The following PTPN22 variants were observed in gnomAD, a reference collection of about 807,000 sequenced individuals.
PTPN22 encodes the protein protein tyrosine phosphatase non-receptor type 22, also known as tyrosine-protein phosphatase non-receptor type 22.
Under a neutral mutation model 103.3 loss-of-function variants are expected in PTPN22, and 85 were observed. The ratio of observed to expected loss-of-function variants is 0.82; its 90% CI spans 0.69 to 0.99. The LOEUF (loss-of-function observed/expected upper bound fraction) is 0.99, where lower values mean the gene tolerates loss of function less well. Among genes scored for constraint, PTPN22 ranks in the 50% least tolerant of loss-of-function variants. The pLI is 0.00. For missense variants in PTPN22, 865 were observed against 936.9 expected (o/e 0.92, Z 1.00); for synonymous variants, 323 against 310.2 (o/e 1.04, Z -0.43).
chr1:113,826,257 A>T (rs570755626), intron 18 of PTPN22, among the ~76,000 whole-genome samples: 9 of 152,220 alleles, frequency 5.9e-5, no homozygotes, highest in Non-Finnish European at 1.3e-4. Context: ...ATGCAGGAGG[A>T]TCACTTGAGT....
At chr1:113,854,781 A>C in intron 8 of PTPN22, 126 bp downstream of exon 8, 1 of 1,256,494 alleles carries the variant, frequency 8.0e-7, no homozygotes, top group Non-Finnish European at 1.1e-6. Context: ...CATGAATTTA[A>C]TGCTTAGGTT....
chr1:113,850,924 C>G (rs1051298348), intron 10 of PTPN22, among the ~76,000 whole-genome samples: 4 of 152,116 alleles, frequency 2.6e-5, no homozygotes, highest in Admixed American at 2.6e-4. Flanking sequence ...CATCAATACA[C>G]GTTTCATGAA....
intron 7 of PTPN22, among the ~76,000 whole-genome samples, chr1:113,855,996 T>C (rs2102100645): frequency 6.6e-6 from 1 of 152,304 alleles, no homozygotes; most frequent in Middle Eastern, 3.4e-3. Context: ...TGAAGACATA[T>C]TATAACAATG....
chr1:113,827,093 T>C (rs973557257), intron 18 of PTPN22, among the ~76,000 whole-genome samples: 5 of 152,246 alleles, frequency 3.3e-5, no homozygotes, highest in Non-Finnish European at 7.3e-5. Flanking sequence ...TTCATGTTTC[T>C]CAAAGGTGTT....
Position 113,819,666 on chromosome 1 carries a change from A to C in PTPN22, c.2282-12T>G. 6.4e-7 allele frequency: 1 copy of C among 1,562,140 alleles called. No individual in the cohort carries two copies. The highest frequency in any genetic ancestry group is 8.8e-7 in the Non-Finnish European group (1 of 1,141,214). On this transcript the variant is annotated splice_polypyrimidine_tract_variant and intron_variant, in intron 19 of 20. Transcript: ENST00000359785. ...AGAATTACAGATACCTAGAATCAAAAGAAAAAAATATAAGGGAAAGACTAA... is the reference window on the plus strand; with the variant it reads ...AGAATTACAGATACCTAGAATCAAACGAAAAAAATATAAGGGAAAGACTAA...
chr1:113,860,037 A>G (rs1319309350), intron 1 of PTPN22, among the ~76,000 whole-genome samples: 1 of 150,126 alleles, frequency 6.7e-6, no homozygotes, highest in East Asian at 2.0e-4. Flanking sequence ...CCACAGCTCA[A>G]TGCAGCCTCA....
chr1:113,863,294 C>T (rs1332172382), intron 1 of PTPN22, among the ~76,000 whole-genome samples: 9 of 152,244 alleles, frequency 5.9e-5, no homozygotes, highest in African/African-American at 1.7e-4. Context: ...GGTTTTACCA[C>T]GTTGGCCAGG....
intron 15 of PTPN22, 108 bp from the exon 16 acceptor site, chr1:113,833,246 G>C (rs1352103625): frequency 2.6e-6 from 2 of 757,912 alleles, no homozygotes; most frequent in African/African-American, 3.6e-5. Flanking sequence ...TAGCTGTAGA[G>C]ATAATTATGA....
At chr1:113,858,549 T>G in exon 4 of PTPN22, 1 of 1,600,220 alleles carries the variant, frequency 6.2e-7, no homozygotes, top group South Asian at 1.1e-5. Context: ...TGGGTGGCAA[T>G]ATAAGCCTTG....
intron 19 of PTPN22, among the ~76,000 whole-genome samples, chr1:113,824,075 C>CA (rs576733446): frequency 1.4e-3 from 219 of 151,338 alleles, no homozygotes; most frequent in African/African-American, 5.2e-3. Context: ...CCAAATGTAT[C>CA]AAAAATTTTT....
At chr1:113,855,699 A>T (rs1664995824) in intron 7 of PTPN22, among the ~76,000 whole-genome samples, 1 of 152,142 alleles carries the variant, frequency 6.6e-6, no homozygotes, top group South Asian at 2.1e-4. Flanking sequence ...TCTGAAAACC[A>T]TTAAAAGTGA....
chr1:113,819,944 C>A, intron 19 of PTPN22: 3 of 191,886 alleles, frequency 1.6e-5, no homozygotes, highest in Non-Finnish European at 3.1e-5. Context: ...CATGAATCAG[C>A]ATTTTTTTGT....
intron 18 of PTPN22, among the ~76,000 whole-genome samples, chr1:113,826,907 G>A (rs1662128552): frequency 6.6e-6 from 1 of 151,726 alleles, no homozygotes; most frequent in South Asian, 2.1e-4. Context: ...CTGACCTCGT[G>A]ATCCGCCCGC....
At chr1:113,849,586 A>ATTTT in intron 10 of PTPN22, among the ~76,000 whole-genome samples, 10 of 56,000 alleles carry the variant, frequency 1.8e-4, no homozygotes, top group African/African-American at 4.3e-4. Context: ...TTATTTATTT[A>ATTTT]TTTATTTATT....
At chr1:113,865,076 A>G (rs1666009731) in intron 1 of PTPN22, among the ~76,000 whole-genome samples, 2 of 152,326 alleles carry the variant, frequency 1.3e-5, no homozygotes, top group African/African-American at 4.8e-5. Flanking sequence ...ACCATGTAGG[A>G]CATTGATAGC....
At position 113,835,177 on chromosome 1, in the gene PTPN22, C is replaced by G. The variant is rs562077184; in HGVS notation, c.1811-184G>C. 2.0e-5 allele frequency among the ~76,000 whole-genome samples: 3 copies of G among 152,258 alleles called. No individual in the cohort carries two copies. In the South Asian group the frequency reaches 6.2e-4, roughly 32 times the overall value. On this transcript the variant is annotated intron_variant, in intron 13 of 20. Coordinates refer to ENST00000359785, the Ensembl canonical transcript of PTPN22. ...AAGCAAAATAAATTCTCTTAAGGTA[C>G]AAACCCAGGAGGTTTTTGCTTATTC...
intron 11 of PTPN22, among the ~76,000 whole-genome samples, chr1:113,840,221 CA>C (rs35772284): frequency 0.029 from 3,439 of 116,724 alleles, 60 homozygotes; most frequent in African/African-American, 0.056. Context: ...AATTCCATCT[CA>C]AAAAAAAAAA....
exon 21 of PTPN22, chr1:113,814,051 C>A (rs1660991385): frequency 1.3e-5 from 2 of 152,206 alleles, no homozygotes; most frequent in African/African-American, 4.8e-5. Context: ...AATTACCTGC[C>A]AATTTATTTA....
chr1:113,866,695 A>T (rs1558060541), intron 1 of PTPN22, among the ~76,000 whole-genome samples: 1 of 152,186 alleles, frequency 6.6e-6, no homozygotes, highest in Non-Finnish European at 1.5e-5. Context: ...CAATAATATT[A>T]AAAATTTACA....
Sources: gnomAD v4.1 joint callset for allele counts (sites outside exome capture counted in the v4.1 genomes callset) on GRCh38, gnomAD v4.1.1 for gene constraint, MANE v1.5 for transcripts, NCBI Gene and HGNC (gene_info 2026-07-23, HGNC 2026-07-21) for gene names.